Variants in SFTPB observed in about 807,000 individuals in gnomAD.
SFTPB encodes the protein surfactant protein B, also known as pulmonary surfactant-associated protein B.
SFTPB carries 32 observed loss-of-function variants against 51.0 expected under a neutral mutation model. The observed-to-expected ratio is 0.63, with a 90% confidence interval of 0.47 to 0.84. The LOEUF (loss-of-function observed/expected upper bound fraction) is 0.84, where lower values mean the gene tolerates loss of function less well. Among genes scored for constraint, SFTPB ranks in the 40% least tolerant of loss-of-function variants. The probability of loss-of-function intolerance (pLI) is 0.00; values close to 1 mark genes in which losing one functional copy is unlikely to be tolerated. For synonymous variants in SFTPB, 211 were observed against 208.5 expected (o/e 1.01, Z -0.10); for missense variants, 431 against 491.2 (o/e 0.88, Z 1.16).
At chr2:85,664,356 C>T (rs1677468577) in intron 6 of SFTPB, among the ~76,000 whole-genome samples, 1 of 152,142 alleles carries the variant, frequency 6.6e-6, no homozygotes, top group Admixed American at 6.5e-5. Flanking sequence ...CGCTCCAGGC[C>T]CATCCATGCC....
At position 85,668,152 on chromosome 2, in the gene SFTPB, A is replaced by G. The variant is rs886056385; in HGVS notation, c.32T>C (p.Leu11Pro). The G allele has an allele frequency of 5.9e-5, 92 of 1,551,108 alleles. No homozygotes were observed. Among genetic ancestry groups the G allele is most frequent in the Non-Finnish European group, 7.3e-5 (84 of 1,146,872 alleles). MAESHLLQWL[L>P]LLLPTLCGPG... ...GCCACAGAGCGTGGGCAGCAGCAGC[A>G]GCAGCCACTGCAGCAGGTGTGACTC... is the stretch of plus-strand genomic sequence containing the variant. Residue 11 changes from leucine to proline, a missense_variant, in exon 1 of 11, where the codon CTG becomes CCG. By Grantham distance (98) the Leu-to-Pro change is moderately conservative. Transcript: ENST00000519937.
intron 4 of SFTPB, among the ~76,000 whole-genome samples, chr2:85,666,206 GTGTGTGTGC>G (rs1293061235): frequency 1.1e-3 from 145 of 135,962 alleles, no homozygotes; most frequent in African/African-American, 4.0e-3. Context: ...CTGGGGTGCT[GTGTGTGTGC>G]TGTGTGTGTG....
chr2:85,662,866 AGG>A (rs1486304392), intron 8 of SFTPB, among the ~76,000 whole-genome samples: 1 of 148,124 alleles, frequency 6.8e-6, no homozygotes, highest in South Asian at 2.1e-4. Flanking sequence ...AAAAAAAAAA[AGG>A]GAATTTCCTG....
intron 3 of SFTPB, 152 bp downstream of exon 3, chr2:85,666,954 G>T: frequency 1.1e-6 from 1 of 926,366 alleles, no homozygotes; most frequent in East Asian, 2.6e-5. Context: ...TCAGGGCCAT[G>T]ACCTGCTCCC....
At chr2:85,668,065 G>T in intron 1 of SFTPB, 52 bp downstream of exon 1, 5 of 1,414,502 alleles carry the variant, frequency 3.5e-6, no homozygotes, top group Non-Finnish European at 2.9e-6. Flanking sequence ...ACAAAGCAGT[G>T]CTCAGTGAGT....
intron 8 of SFTPB, among the ~76,000 whole-genome samples, chr2:85,663,050 A>C (rs1405420367): frequency 4.6e-5 from 7 of 151,868 alleles, no homozygotes; most frequent in East Asian, 3.9e-4. Flanking sequence ...CCCTAGCATT[A>C]CTCATCTCCT....
intron 4 of SFTPB, chr2:85,666,413 A>G (rs533641607): frequency 8.9e-5 from 42 of 470,326 alleles, no homozygotes; most frequent in East Asian, 4.2e-4. Flanking sequence ...GTGTCCGGCC[A>G]GCTGGGGTGT....
intron 9 of SFTPB, 99 bp downstream of exon 9, chr2:85,661,930 G>T: frequency 8.3e-7 from 1 of 1,209,762 alleles, no homozygotes; most frequent in East Asian, 2.5e-5. Context: ...GACCACCTTG[G>T]ACCCAGGGGA....
chr2:85,659,961 T>C (rs1677204576), intron 10 of SFTPB, among the ~76,000 whole-genome samples: 1 of 152,006 alleles, frequency 6.6e-6, no homozygotes, highest in Non-Finnish European at 1.5e-5. Flanking sequence ...GGACCTCCCC[T>C]CCCCACTGCC....
At chr2:85,660,022 G>A (rs1012908004) in intron 10 of SFTPB, among the ~76,000 whole-genome samples, 36 of 152,242 alleles carry the variant, frequency 2.4e-4, no homozygotes, top group African/African-American at 7.5e-4. Context: ...TGGCTTCCCC[G>A]CCTCAGATGG....
intron 10 of SFTPB, among the ~76,000 whole-genome samples, chr2:85,660,338 T>C (rs2104390053): frequency 6.8e-6 from 1 of 147,048 alleles, no homozygotes; most frequent in South Asian, 2.2e-4. Flanking sequence ...TTTCATCATG[T>C]TGGTAAGGCT....
At chr2:85,659,871 C>T (rs1475171003) in intron 10 of SFTPB, among the ~76,000 whole-genome samples, 189 bp from the exon 11 acceptor site, 4 of 152,212 alleles carry the variant, frequency 2.6e-5, no homozygotes, top group Non-Finnish European at 5.9e-5. Flanking sequence ...GGGTGACTCC[C>T]CACCCCCAGA....
At chr2:85,661,246 G>A (rs1274059863) in intron 10 of SFTPB, 1 of 471,028 alleles carries the variant, frequency 2.1e-6, no homozygotes, top group Non-Finnish European at 4.0e-6. Flanking sequence ...TGGGGTTCTG[G>A]GCGGGGCAGT....
At chr2:85,668,050 C>A in intron 1 of SFTPB, 67 bp downstream of exon 1, 1 of 1,362,788 alleles carries the variant, frequency 7.3e-7, no homozygotes, top group South Asian at 1.3e-5. Context: ...GGGTTAATGC[C>A]TAGCACAAAG....
Position 85,665,282 on chromosome 2 carries a change from GCCTCA to G in SFTPB, c.672+2_672+6del, listed in dbSNP as rs761499715. On this transcript the variant is annotated splice_donor_variant and splice_donor_5th_base_variant and intron_variant, in intron 6 of 10. Coordinates refer to ENST00000519937, the MANE Select transcript of SFTPB (RefSeq NM_000542.5). LOFTEE classifies it high-confidence loss of function. ...TCCTGGGCTCTGTGAGGCCCTGGAT[GCCTCA>G]CCTTGGGAATCATGGCTTGGATCCG... The G allele has an allele frequency of 6.2e-7, 1 of 1,609,450 alleles. No individual in the cohort carries two copies. The highest frequency in any genetic ancestry group is 1.1e-5 in the South Asian group (1 of 90,992).
intron 4 of SFTPB, chr2:85,666,397 G>A (rs1408244361): frequency 1.9e-6 from 1 of 536,870 alleles, no homozygotes; most frequent in South Asian, 1.9e-5. Context: ...GGTACTGTGT[G>A]TGTGTGTGTC....
At chr2:85,667,210 C>T (rs766595289) in intron 2 of SFTPB, 33 bp from the exon 3 acceptor site, 8 of 1,524,462 alleles carry the variant, frequency 5.2e-6, no homozygotes, top group East Asian at 2.3e-5. Context: ...GTGGAGGACA[C>T]ATGAGTGGGG....
chr2:85,661,047 G>A (rs1677267652), intron 10 of SFTPB, among the ~76,000 whole-genome samples: 1 of 152,164 alleles, frequency 6.6e-6, no homozygotes, highest in African/African-American at 2.4e-5. Context: ...GGCCTTCCTG[G>A]CATCTGAGGG....
chr2:85,659,879 A>C (rs890282382), intron 10 of SFTPB, among the ~76,000 whole-genome samples, 197 bp from the exon 11 acceptor site: 1 of 152,196 alleles, frequency 6.6e-6, no homozygotes, highest in African/African-American at 2.4e-5. Flanking sequence ...CCCCACCCCC[A>C]GATCCCCAGC....
Sources: allele counts gnomAD v4.1 joint callset (sites outside exome capture counted in the v4.1 genomes callset), GRCh38; gene constraint gnomAD v4.1.1; transcripts MANE v1.5; gene names NCBI Gene and HGNC (gene_info 2026-07-23, HGNC 2026-07-21).